Variants in BRIP1 observed in about 807,000 individuals in gnomAD.
The protein encoded by BRIP1 is Fanconi anemia group J protein.
A neutral mutation model predicts 119.7 loss-of-function variants in BRIP1; 88 were observed. The ratio of observed to expected loss-of-function variants is 0.74; its 90% CI spans 0.62 to 0.88. The LOEUF is 0.88. BRIP1 is among the 40% of genes least tolerant of loss of function. BRIP1 has a pLI of 0.00. For synonymous variants in BRIP1, 443 were observed against 496.5 expected (o/e 0.89, Z 1.43); for missense variants, 1,259 against 1,455.4 (o/e 0.87, Z 2.20).
At chr17:61,732,234 C>A (rs1603299844) in intron 16 of BRIP1, among the ~76,000 whole-genome samples, 1 of 151,936 alleles carries the variant, frequency 6.6e-6, no homozygotes, top group Non-Finnish European at 1.5e-5. Context: ...CCACCCACCT[C>A]GGCCTCCAAG....
chr17:61,692,838 T>C (rs1188906660), intron 18 of BRIP1, among the ~76,000 whole-genome samples: 1 of 152,192 alleles, frequency 6.6e-6, no homozygotes, highest in Non-Finnish European at 1.5e-5. Context: ...AACTTAGAAC[T>C]ATGATGATTC....
At chr17:61,731,064 T>C (rs566573210) in intron 16 of BRIP1, among the ~76,000 whole-genome samples, 2 of 151,598 alleles carry the variant, frequency 1.3e-5, no homozygotes, top group Non-Finnish European at 2.9e-5. Flanking sequence ...CAAAATACTT[T>C]TGGCCAAACT....
In BRIP1 at chr17:61,682,680, T is replaced by C. The variant is rs116292412; in HGVS notation, c.*616A>G. 841 of 196,176 alleles carry C rather than the reference T, an allele frequency of 4.3e-3. 9 individuals carry two copies. The highest frequency in any genetic ancestry group is 0.018 in the African/African-American group (801 of 43,438). 12.2% of individuals were successfully genotyped at this position (196,176 alleles called of 1,614,324 possible). On this transcript the variant is annotated 3_prime_UTR_variant, in exon 20 of 20. Transcript: ENST00000259008. This position sits in a 1 kb window ranked among gnomAD's most constrained non-coding sequence, Gnocchi z 4.9. ...TCACTAGATTAGACTGCTGTTAATTTTTATGTATCAGTGTGAAAACAAATG... is the reference window on the plus strand; with the variant it reads ...TCACTAGATTAGACTGCTGTTAATTCTTATGTATCAGTGTGAAAACAAATG...
Position 61,853,407 on chromosome 17 carries a change from A to C in BRIP1, c.379+3651T>G, listed in dbSNP as rs1215196468. On this transcript the variant is annotated intron_variant, in intron 4 of 19. Transcript: ENST00000259008. The surrounding 1 kb of genome is among the most constrained non-coding windows in gnomAD (Gnocchi z 4.3). ...TCTCTCTTTTTTTTTTAATCTATGT[A>C]GTAGTTATGACAGTGAAAATTCATC... Among the ~76,000 whole-genome samples, 3 of 151,918 alleles carry C rather than the reference A, an allele frequency of 2.0e-5. No individual in the cohort carries two copies. In the East Asian group the frequency reaches 5.8e-4, roughly 29 times the overall value.
intron 6 of BRIP1, among the ~76,000 whole-genome samples, chr17:61,819,504 T>C (rs1444689530): frequency 6.6e-6 from 1 of 152,132 alleles, no homozygotes; most frequent in African/African-American, 2.4e-5. Context: ...GATGAATGAA[T>C]GAAGAGAATG....
At position 61,686,093 on chromosome 17, in the gene BRIP1, T is replaced by G. The variant is rs1453990721; in HGVS notation, c.2648A>C (p.Glu883Ala). 6.2e-7 allele frequency: 1 copy of G among 1,613,960 alleles called. No homozygotes were observed. Among genetic ancestry groups the G allele is most frequent in the African/African-American group, 1.3e-5 (1 of 74,930 alleles). ...AACTTTTTGATGCTTTTTGGAAAAT[T>G]CAGCCAAGGATTCCAGTGCACTTTC... The part of the protein sequence containing the change: ...TFESALESLA[E>A]FSKKHQKVLN... The change falls in exon 19 of 20, where the codon GAA becomes GCA. Residue 883 changes from glutamate to alanine, a missense_variant. Physicochemically the swap from Glu to Ala is moderately radical, Grantham distance 107. Transcript: ENST00000259008. This position sits in a 1 kb window ranked among gnomAD's most constrained non-coding sequence, Gnocchi z 5.4.
At chr17:61,747,965 T>C (rs1228168026) in intron 14 of BRIP1, among the ~76,000 whole-genome samples, 3 of 151,430 alleles carry the variant, frequency 2.0e-5, no homozygotes. Context: ...CTTGAACTCC[T>C]GGCCTCAAGT....
At chr17:61,766,734 G>A (rs1202820998) in intron 14 of BRIP1, among the ~76,000 whole-genome samples, 2 of 152,008 alleles carry the variant, frequency 1.3e-5, no homozygotes, top group Non-Finnish European at 2.9e-5. Context: ...TGCCCTCAGG[G>A]AAAATGGTTT....
intron 6 of BRIP1, among the ~76,000 whole-genome samples, chr17:61,835,063 T>A (rs1159875865): frequency 6.6e-6 from 1 of 152,226 alleles, no homozygotes; most frequent in Admixed American, 6.5e-5. Context: ...ACAGTTTAAT[T>A]AAGGATTAAT....
At position 61,701,666 on chromosome 17, in the gene BRIP1, GCT is replaced by G. The variant is rs1049711405; in HGVS notation, c.2493-8156_2493-8155del. On this transcript the variant is annotated intron_variant, in intron 17 of 19. Transcript: ENST00000259008. This position sits in a 1 kb window ranked among gnomAD's most constrained non-coding sequence, Gnocchi z 5.1. ...CCAGGAATATGTCAGAACTTTAAAA[GCT>G]CTCTATGGACATTGCATTCCTCAGC... Among the ~76,000 whole-genome samples the G allele has an allele frequency of 2.0e-5, 3 of 152,156 alleles. No homozygotes were observed. The highest frequency in any genetic ancestry group is 7.2e-5 in the African/African-American group (3 of 41,428).
In BRIP1 at chr17:61,843,504, T is replaced by G. The variant is rs1378016738; in HGVS notation, c.627+3597A>C. The stretch of plus-strand genomic sequence containing the variant: ...GATCCCCCAAGTTGGAGGTGGGGCC[T>G]AGTGTAAAGTGCTTGGGTCATCAAT... On this transcript the variant is annotated intron_variant, in intron 6 of 19. Transcript: ENST00000259008. The surrounding 1 kb of genome is among the most constrained non-coding windows in gnomAD (Gnocchi z 5.7). Among the ~76,000 whole-genome samples, 1 of 152,160 alleles carries G rather than the reference T, an allele frequency of 6.6e-6. No individual in the cohort carries two copies. Among genetic ancestry groups the G allele is most frequent in the Non-Finnish European group, 1.5e-5 (1 of 68,020 alleles).
Position 61,780,453 on chromosome 17 carries a change from C to A in BRIP1, c.1795-52G>T, listed in dbSNP as rs1305588267. 1 of 1,489,306 alleles carries A rather than the reference C, an allele frequency of 6.7e-7. No homozygotes were observed. Among genetic ancestry groups the A allele is most frequent in the Non-Finnish European group, 9.3e-7 (1 of 1,070,072 alleles). The allele number at this position is 1,489,306 out of a possible 1,614,324, so 92.3% of individuals were successfully genotyped here. Reference sequence around the variant, plus strand: ...AAAATTATCTTTAGAAGAGGCTGGGCAAAGTGGCTCACACCTGTAATCCCA... The same window carrying A: ...AAAATTATCTTTAGAAGAGGCTGGGAAAAGTGGCTCACACCTGTAATCCCA... On this transcript the variant is annotated intron_variant, in intron 12 of 19. Coordinates refer to ENST00000259008, the MANE Select transcript of BRIP1 (RefSeq NM_032043.3). This position sits in a 1 kb window ranked among gnomAD's most constrained non-coding sequence, Gnocchi z 5.4.
intron 17 of BRIP1, among the ~76,000 whole-genome samples, chr17:61,697,012 GA>G (rs1236557028): frequency 2.2e-5 from 3 of 139,116 alleles, no homozygotes; most frequent in Non-Finnish European, 4.7e-5. Context: ...AAGGGGGGGG[GA>G]AGTGTTTTGA....
At chr17:61,714,921 C>T (rs896137932) in intron 17 of BRIP1, among the ~76,000 whole-genome samples, 2 of 151,638 alleles carry the variant, frequency 1.3e-5, no homozygotes, top group Non-Finnish European at 2.9e-5. Flanking sequence ...CCTACCTCAG[C>T]CTCCCGAGTA....
At position 61,809,197 on chromosome 17, in the gene BRIP1, T is replaced by C. The variant is rs2078126121; in HGVS notation, c.628-440A>G. ...AATATTCCTTAATACACCAATGCTTTTGAAGCACTTTTAAATATAGTTTAC... is the reference window on the plus strand; with the variant it reads ...AATATTCCTTAATACACCAATGCTTCTGAAGCACTTTTAAATATAGTTTAC... On this transcript the variant is annotated intron_variant, in intron 6 of 19. Coordinates refer to ENST00000259008, the MANE Select transcript of BRIP1 (RefSeq NM_032043.3). This position sits in a 1 kb window ranked among gnomAD's most constrained non-coding sequence, Gnocchi z 5.2. Among the ~76,000 whole-genome samples the C allele has an allele frequency of 6.6e-6, 1 of 152,174 alleles. No homozygotes were observed. Among genetic ancestry groups the C allele is most frequent in the African/African-American group, 2.4e-5 (1 of 41,458 alleles).
chr17:61,838,546 A>T (rs1405245689), intron 6 of BRIP1, among the ~76,000 whole-genome samples: 11 of 140,950 alleles, frequency 7.8e-5, no homozygotes, highest in Non-Finnish European at 1.5e-4. Context: ...TCCCTCTCAA[A>T]AAATAAATAA....
At position 61,803,040 on chromosome 17, in the gene BRIP1, T is replaced by C. The variant is rs778214887; in HGVS notation, c.919-1566A>G. Among the ~76,000 whole-genome samples the C allele has an allele frequency of 2.0e-5, 3 of 152,146 alleles. No homozygotes were observed. The highest frequency in any genetic ancestry group is 4.8e-5 in the African/African-American group (2 of 41,446). ...GTATGAATAGTCTAACAAGGTTCAA[T>C]AGTAATTTGTGTTTCTTCTTTTATG... On this transcript the variant is annotated intron_variant, in intron 7 of 19. Transcript: ENST00000259008. This position sits in a 1 kb window ranked among gnomAD's most constrained non-coding sequence, Gnocchi z 4.3.
At chr17:61,716,169 ATTTT>A in intron 16 of BRIP1, 106 bp from the exon 17 acceptor site, 2 of 740,934 alleles carry the variant, frequency 2.7e-6, no homozygotes, top group African/African-American at 3.6e-5. Flanking sequence ...TAGGGTAGAG[ATTTT>A]ATTTTGTTTT....
rs67186945 is a variant in BRIP1, at chr17:61,722,036, C to CTTTTT, written c.2380-5978_2380-5974dup. ...GAGCCACCACGCCTAGCCAACTTTG[C>CTTTTT]TTTTTTTTTTTTTCTTTTTTTTTGA... On this transcript the variant is annotated intron_variant, in intron 16 of 19. Transcript: ENST00000259008. This position sits in a 1 kb window ranked among gnomAD's most constrained non-coding sequence, Gnocchi z 4.6. 1.4e-5 allele frequency among the ~76,000 whole-genome samples: 2 copies of CTTTTT among 141,836 alleles called. No homozygotes were observed. Among genetic ancestry groups the CTTTTT allele is most frequent in the African/African-American group, 2.6e-5 (1 of 38,662 alleles). The allele number at this position is 141,836 out of a possible 152,430, so 93.0% of individuals were successfully genotyped here.
Sources: allele counts gnomAD v4.1 joint callset (sites outside exome capture counted in the v4.1 genomes callset), GRCh38; gene constraint gnomAD v4.1.1; non-coding constraint Gnocchi (gnomAD v3.1); transcripts MANE v1.5; gene names NCBI Gene and HGNC (gene_info 2026-07-23, HGNC 2026-07-21).